The following OTUD4 variants were observed in gnomAD, a reference collection of about 807,000 sequenced individuals.
OTUD4 encodes the protein OTU deubiquitinase 4, also known as OTU domain-containing protein 4.
OTUD4 carries 24 observed loss-of-function variants against 130.4 expected under a neutral mutation model. The observed-to-expected ratio is 0.18, with a 90% CI of 0.13 to 0.26. OTUD4 has a LOEUF of 0.26. Ranked by LOEUF, OTUD4 falls within the 10% of genes least tolerant of loss-of-function variation. OTUD4 has a pLI of 1.00. For missense variants in OTUD4, 1,031 were observed against 1,329.4 expected, an observed-to-expected ratio of 0.78 and a Z score of 3.49; for synonymous variants, 420 against 472.5, an observed-to-expected ratio of 0.89 and a Z score of 1.44.
At chr4:145,143,289 T>C in intron 17 of OTUD4, 76 bp downstream of exon 17, 1 of 856,198 alleles carries the variant, frequency 1.2e-6, no homozygotes, top group Non-Finnish European at 1.8e-6. Flanking sequence ...GTTTTCTGTT[T>C]TTAAATGACC....
intron 13 of OTUD4, among the ~76,000 whole-genome samples, chr4:145,147,721 A>C (rs1430060582): frequency 3.9e-5 from 6 of 152,194 alleles, no homozygotes; most frequent in Admixed American, 3.9e-4. Context: ...TTATCAATGA[A>C]GAAAAACTGG....
rs1458432392 is a variant in OTUD4, at chr4:145,134,467, G to A, written c.*2963C>T. The A allele has an allele frequency of 2.6e-6, 1 of 377,940 alleles. No individual in the cohort carries two copies. 23.4% of individuals were successfully genotyped at this position (377,940 alleles called of 1,614,324 possible). ...TTCTAAACCAGAAATGGTTAGAAAG[G>A]AACTTTATTGCACCAAGTCAATCAT... is the stretch of plus-strand genomic sequence containing the variant. On this transcript the variant is annotated 3_prime_UTR_variant, in exon 21 of 21. Transcript: ENST00000447906.
intron 6 of OTUD4, 94 bp downstream of exon 6, chr4:145,162,546 C>T (rs1444375941): frequency 3.4e-5 from 21 of 616,328 alleles, no homozygotes; most frequent in Non-Finnish European, 5.8e-5. Flanking sequence ...AGCGAGACTC[C>T]GTCTCAAAAA....
At chr4:145,156,114 G>T (rs2126771525) in intron 7 of OTUD4, 118 bp from the exon 8 acceptor site, 2 of 708,098 alleles carry the variant, frequency 2.8e-6, no homozygotes, top group East Asian at 5.3e-5. Context: ...CTATATTCCA[G>T]TGAGCTCATA....
chr4:145,173,773 T>A (rs947983399), intron 2 of OTUD4, among the ~76,000 whole-genome samples: 1 of 152,204 alleles, frequency 6.6e-6, no homozygotes, highest in African/African-American at 2.4e-5. Flanking sequence ...AGACTTTGAA[T>A]GTAAAATGAA....
intron 1 of OTUD4, among the ~76,000 whole-genome samples, chr4:145,179,384 C>T (rs1752578899): frequency 2.0e-5 from 3 of 152,170 alleles, no homozygotes; most frequent in Admixed American, 2.0e-4. Context: ...AAATATGTTC[C>T]ACAAGTAAAG....
chr4:145,175,791 C>G (rs1249103011), intron 1 of OTUD4, among the ~76,000 whole-genome samples: 1 of 151,988 alleles, frequency 6.6e-6, no homozygotes, highest in Non-Finnish European at 1.5e-5. Flanking sequence ...GATCCGCCCA[C>G]CTCGACCTCC....
In OTUD4 at chr4:145,138,010, G is replaced by T; in HGVS notation, c.2765C>A (p.Ser922Tyr). ...ACTGCTCACACTTGCTTCAGGGAGA[G>T]AATGTACATGTTCACCCCTGGCTTC... ...FPEARGEHVH[S>Y]LPEASVSSKP... The change falls in exon 21 of 21, where the codon TCT becomes TAT. Residue 922 changes from serine (S) to tyrosine (Y), a missense_variant. Physicochemically the swap from Ser to Tyr is moderately radical, Grantham distance 144 (BLOSUM62 -2). Coordinates refer to ENST00000447906, the MANE Select transcript of OTUD4 (RefSeq NM_001366057.1). The T allele has an allele frequency of 1.2e-6, 2 of 1,614,058 alleles. No individual in the cohort carries two copies. The highest frequency in any genetic ancestry group is 1.7e-5 in the Admixed American group (1 of 60,026).
At chr4:145,141,193 T>A (rs1219043066) in intron 19 of OTUD4, among the ~76,000 whole-genome samples, 186 bp downstream of exon 19, 9 of 149,632 alleles carry the variant, frequency 6.0e-5, no homozygotes, top group African/African-American at 2.0e-4. Flanking sequence ...AAAAAAATTA[T>A]AATACATTTT....
At chr4:145,163,644 T>C (rs1751693446) in intron 5 of OTUD4, among the ~76,000 whole-genome samples, 1 of 151,456 alleles carries the variant, frequency 6.6e-6, no homozygotes, top group South Asian at 2.1e-4. Flanking sequence ...TTAAATACAG[T>C]AACTTGTGGG....
rs377388406 is a variant in OTUD4 at position 145,155,495 on chromosome 4, C to G, written c.809-20G>C. 3.8e-6 allele frequency: 6 copies of G among 1,598,858 alleles called. No homozygotes were observed. In the South Asian group the frequency reaches 5.7e-5, roughly 15 times the overall value. On this transcript the variant is annotated intron_variant, in intron 9 of 20. Transcript: ENST00000447906. ...GCTGAGCTGTTAAAAAAAAAAAGGT[C>G]AGTATAATATAAAGTTGACTTATTT...
intron 7 of OTUD4, among the ~76,000 whole-genome samples, chr4:145,156,790 CAATA>C (rs1401251160): frequency 5.3e-5 from 8 of 152,158 alleles, no homozygotes; most frequent in Admixed American, 2.6e-4. Flanking sequence ...TTCATATACT[CAATA>C]AATAACTTGA....
Position 145,146,213 on chromosome 4 carries a change from T to C in OTUD4, c.1422+54A>G, listed in dbSNP as rs1265896766. ...GGGAACTATGGCTTAATCTAAAAAC[T>C]ATATTAAGAGAAACTTCTGTATAAT... On this transcript the variant is annotated intron_variant, in intron 14 of 20. Coordinates refer to ENST00000447906, the MANE Select transcript of OTUD4 (RefSeq NM_001366057.1). The C allele has an allele frequency of 2.8e-5, 34 of 1,222,666 alleles. No homozygotes were observed. In the South Asian group the frequency reaches 5.2e-4, roughly 19 times the overall value. The allele number at this position is 1,222,666 out of a possible 1,614,324, so 75.7% of individuals were successfully genotyped here.
intron 13 of OTUD4, among the ~76,000 whole-genome samples, chr4:145,147,055 GAGTTT>G (rs1750859083): frequency 1.3e-5 from 2 of 151,996 alleles, no homozygotes; most frequent in African/African-American, 4.8e-5. Context: ...TTAATGAATA[GAGTTT>G]AGTACCCTAT....
At chr4:145,142,481 A>C (rs1750611614) in intron 17 of OTUD4, 147 bp from the exon 18 acceptor site, 3 of 670,750 alleles carry the variant, frequency 4.5e-6, no homozygotes, top group Non-Finnish European at 7.6e-6. Context: ...TAGAAATGTA[A>C]GAAAAACACA....
At chr4:145,168,914 G>GT (rs1752013980) in intron 3 of OTUD4, among the ~76,000 whole-genome samples, 1 of 152,174 alleles carries the variant, frequency 6.6e-6, no homozygotes, top group South Asian at 2.1e-4. Context: ...CAATCAGCTG[G>GT]TAAATGTATA....
At chr4:145,168,137 AAT>A (rs1751970076) in intron 3 of OTUD4, among the ~76,000 whole-genome samples, 1 of 152,170 alleles carries the variant, frequency 6.6e-6, no homozygotes, top group Non-Finnish European at 1.5e-5. Context: ...ATTCCTTCAA[AAT>A]ATGTTTTAAC....
rs754541076 is a variant in OTUD4 at position 145,136,384 on chromosome 4, T to C, written c.*1046A>G. On this transcript the variant is annotated 3_prime_UTR_variant, in exon 21 of 21. Coordinates refer to ENST00000447906, the MANE Select transcript of OTUD4 (RefSeq NM_001366057.1). The stretch of plus-strand genomic sequence containing the variant: ...AAAAGAACTAGAAGTCACAATCATA[T>C]TATCTTCTATACAATAGTTCCAGCC... 1 of 141,040 alleles carries C rather than the reference T, an allele frequency of 7.1e-6. No individual in the cohort carries two copies. Among genetic ancestry groups the C allele is most frequent in the Non-Finnish European group, 1.5e-5 (1 of 66,640 alleles). The allele number at this position is 141,040 out of a possible 1,614,324, so 8.7% of individuals were successfully genotyped here.
intron 1 of OTUD4, chr4:145,178,002 G>A (rs1752506233): frequency 6.6e-6 from 1 of 152,092 alleles, no homozygotes; most frequent in South Asian, 2.1e-4. Flanking sequence ...CTGAATAACT[G>A]AACTTCCCCC....
Sources: gnomAD v4.1 joint callset for allele counts (sites outside exome capture counted in the v4.1 genomes callset) on GRCh38, gnomAD v4.1.1 for gene constraint, MANE v1.5 for transcripts, NCBI Gene and HGNC (gene_info 2026-07-23, HGNC 2026-07-21) for gene names.